GALNT14: variants seen among roughly 807,000 people sequenced by gnomAD.
GALNT14 encodes polypeptide N-acetylgalactosaminyltransferase 14.
GALNT14 carries 60 observed loss-of-function variants against 77.5 expected under a neutral mutation model. The ratio of observed to expected loss-of-function variants is 0.77; its 90% CI spans 0.63 to 0.96. The LOEUF is 0.96. Ranked by LOEUF, GALNT14 falls within the 40% of genes least tolerant of loss-of-function variation. The pLI, the probability that GALNT14 is intolerant of heterozygous loss-of-function variation, is 0.00. For missense variants in GALNT14, 710 were observed against 731.0 expected, an observed-to-expected ratio of 0.97 and a Z score of 0.33; for synonymous variants, 280 against 281.7, an observed-to-expected ratio of 0.99 and a Z score of 0.06.
At chr2:31,006,474 G>T (rs1670680641) in intron 1 of GALNT14, among the ~76,000 whole-genome samples, 2 of 152,144 alleles carry the variant, frequency 1.3e-5, no homozygotes, top group African/African-American at 4.8e-5. Flanking sequence ...AGAGGAAACC[G>T]AGTTTCATGG....
intron 9 of GALNT14, among the ~76,000 whole-genome samples, chr2:30,936,732 T>A (rs1043302557): frequency 1.3e-5 from 2 of 152,174 alleles, no homozygotes; most frequent in African/African-American, 4.8e-5. Context: ...CCAGAAAACA[T>A]CGCCTTGAAT....
chr2:30,923,119 A>G (rs1005082451), intron 13 of GALNT14, among the ~76,000 whole-genome samples: 1 of 144,598 alleles, frequency 6.9e-6, no homozygotes, highest in Non-Finnish European at 1.5e-5. Flanking sequence ...CTGGAGTGCA[A>G]TGGTGTGATC....
intron 1 of GALNT14, among the ~76,000 whole-genome samples, chr2:31,092,689 T>C (rs12712311): frequency 0.6 from 91,117 of 151,954 alleles, 28,578 homozygotes; most frequent in African/African-American, 0.78. Context: ...AAAAATCATC[T>C]TCAGCTGTCT....
chr2:31,002,022 A>G (rs1429880612), intron 1 of GALNT14, among the ~76,000 whole-genome samples: 1 of 152,202 alleles, frequency 6.6e-6, no homozygotes, highest in Non-Finnish European at 1.5e-5. Flanking sequence ...TTTCACTTGA[A>G]TATCTCGTTT....
chr2:31,025,337 C>T (rs1425148459), intron 1 of GALNT14, among the ~76,000 whole-genome samples: 2 of 152,144 alleles, frequency 1.3e-5, no homozygotes, highest in Non-Finnish European at 2.9e-5. Flanking sequence ...GACCCATGAG[C>T]AGGGTCTGGA....
At chr2:30,987,048 G>C (rs1318165337) in intron 2 of GALNT14, 1 of 152,228 alleles carries the variant, frequency 6.6e-6, no homozygotes, top group South Asian at 2.1e-4. Context: ...AAGCTTCGAG[G>C]TTAGCCAGTC....
intron 3 of GALNT14, among the ~76,000 whole-genome samples, chr2:30,962,182 T>C (rs1667735142): frequency 6.6e-6 from 1 of 152,228 alleles, no homozygotes; most frequent in South Asian, 2.1e-4. Flanking sequence ...CTCCAAGTCC[T>C]TTCCCTATCT....
At chr2:30,935,892 AG>A (rs1666026840) in intron 9 of GALNT14, among the ~76,000 whole-genome samples, 3 of 152,300 alleles carry the variant, frequency 2.0e-5, no homozygotes, top group Non-Finnish European at 4.4e-5. Context: ...GGTACAGATT[AG>A]GGCCTCTGAT....
chr2:30,911,594 T>C (rs1664365883), intron 14 of GALNT14, among the ~76,000 whole-genome samples: 1 of 152,168 alleles, frequency 6.6e-6, no homozygotes, highest in Non-Finnish European at 1.5e-5. Context: ...ACTGAGCACG[T>C]TACTGCCAAG....
At chr2:30,892,910 C>CT in the GALNT14 span, among the ~76,000 whole-genome samples, 3 of 152,192 alleles carry the variant, frequency 2.0e-5, no homozygotes, top group African/African-American at 7.2e-5. Context: ...CTTCATAGAA[C>CT]TTGACAACAA....
rs1306295730 is a variant in GALNT14 at position 30,997,280 on chromosome 2, A to G, written c.130-4273T>C. Among the ~76,000 whole-genome samples the G allele has an allele frequency of 4.6e-5, 7 of 152,212 alleles. No homozygotes were observed. The East Asian group carries it at 7.7e-4, about 17-fold the overall frequency. ...CCCCACATCCAGCTTCCAAGAGCCC[A>G]AAGTGCCACAGGAGGGCACAGTGTG... On this transcript the variant is annotated intron_variant, in intron 1 of 14. Transcript: ENST00000349752.
chr2:31,031,236 G>T (rs564646678), intron 1 of GALNT14, among the ~76,000 whole-genome samples: 1 of 152,166 alleles, frequency 6.6e-6, no homozygotes, highest in Admixed American at 6.5e-5. Context: ...GTCCTGTCAG[G>T]TCACCCCAGA....
chr2:31,012,647 A>T (rs1671102828), intron 1 of GALNT14, among the ~76,000 whole-genome samples: 1 of 152,214 alleles, frequency 6.6e-6, no homozygotes, highest in East Asian at 1.9e-4. Flanking sequence ...ACTTGCCCTG[A>T]ATCAGGGTGT....
intron 1 of GALNT14, among the ~76,000 whole-genome samples, chr2:31,069,880 G>C (rs541472850): frequency 2.0e-5 from 3 of 152,112 alleles, no homozygotes; most frequent in Admixed American, 6.5e-5. Context: ...CCTCCATCTC[G>C]ATGGGGTGAT....
At chr2:31,086,052 C>A (rs1332383879) in intron 1 of GALNT14, among the ~76,000 whole-genome samples, 3 of 152,208 alleles carry the variant, frequency 2.0e-5, no homozygotes, top group Non-Finnish European at 2.9e-5. Flanking sequence ...AATTACCTCC[C>A]ACCAGGTCCC....
chr2:31,015,397 G>C (rs901097163), intron 1 of GALNT14, among the ~76,000 whole-genome samples: 4 of 151,814 alleles, frequency 2.6e-5, no homozygotes, highest in Non-Finnish European at 5.9e-5. Flanking sequence ...ATCCACTCCT[G>C]ACAGGAGAAT....
chr2:31,087,887 C>T (rs78573671), intron 1 of GALNT14, among the ~76,000 whole-genome samples: 2,757 of 152,236 alleles, frequency 0.018, 67 homozygotes, highest in African/African-American at 0.056. Flanking sequence ...TGATGTACCC[C>T]TTATGGATGG....
At chr2:31,087,481 AGAG>A (rs796930095) in intron 1 of GALNT14, among the ~76,000 whole-genome samples, 3 of 149,042 alleles carry the variant, frequency 2.0e-5, no homozygotes, top group African/African-American at 7.6e-5. Flanking sequence ...ACAGGAAAGG[AGAG>A]GAGAAGAGAG....
intron 1 of GALNT14, among the ~76,000 whole-genome samples, chr2:31,015,339 C>T (rs6721868): frequency 0.024 from 3,571 of 151,096 alleles, 132 homozygotes; most frequent in African/African-American, 0.083. Context: ...CACTCTCTGC[C>T]AGTGAGAGTT....
Sources: allele counts gnomAD v4.1 joint callset (sites outside exome capture counted in the v4.1 genomes callset), GRCh38; gene constraint gnomAD v4.1.1; transcripts MANE v1.5; gene names NCBI Gene and HGNC (gene_info 2026-07-23, HGNC 2026-07-21).